KCNK9: variants seen among roughly 807,000 people sequenced by gnomAD.
KCNK9 encodes potassium two pore domain channel subfamily K member 9.
In KCNK9, 1 loss-of-function variant was observed where a neutral mutation model predicts 10.8. The observed-to-expected ratio is 0.09, with a 90% confidence interval of 0.03 to 0.44. The LOEUF (loss-of-function observed/expected upper bound fraction) is 0.44. Ranked by LOEUF, KCNK9 falls within the 20% of genes least tolerant of loss-of-function variation. The probability of loss-of-function intolerance (pLI) is 0.97; values close to 1 mark genes in which losing one functional copy is unlikely to be tolerated. For missense variants in KCNK9, 303 were observed against 515.0 expected, an observed-to-expected ratio of 0.59 and a Z score of 3.98; for synonymous variants, 231 against 222.7, an observed-to-expected ratio of 1.04 and a Z score of -0.33.
chr8:139,655,128 C>A (rs1815984458), intron 1 of KCNK9, among the ~76,000 whole-genome samples: 1 of 152,104 alleles, frequency 6.6e-6, no homozygotes, highest in Non-Finnish European at 1.5e-5. Flanking sequence ...ACTCCCCTCC[C>A]TCAGATACTG....
chr8:139,633,880 GC>G (rs1237381381), intron 1 of KCNK9, among the ~76,000 whole-genome samples: 2 of 152,236 alleles, frequency 1.3e-5, no homozygotes, highest in Non-Finnish European at 2.9e-5. Context: ...AAAGGCGGGG[GC>G]CTCTCCCTGG....
chr8:139,604,626 A>G (rs1300764172), intron 2 of KCNK9, among the ~76,000 whole-genome samples: 8 of 152,236 alleles, frequency 5.3e-5, no homozygotes, highest in Admixed American at 6.5e-5. Context: ...AAGAGGATTT[A>G]AGACCCCAAG....
chr8:139,654,355 C>T (rs1437635080), intron 1 of KCNK9, among the ~76,000 whole-genome samples: 2 of 152,196 alleles, frequency 1.3e-5, no homozygotes, highest in Non-Finnish European at 2.9e-5. Context: ...CTGAACAGGA[C>T]GCTGGCCTCG....
chr8:139,682,481 C>T lies in KCNK9; in HGVS notation c.283+20229G>A, dbSNP rs114806903. ...CACATAGGAGAGACATCTCACCTGC[C>T]TGGGAAGGCTGCACAGAGGAGACAT... On this transcript the variant is annotated intron_variant, in intron 1 of 1. Coordinates refer to ENST00000520439, the MANE Select transcript of KCNK9 (RefSeq NM_001282534.2). 6.2e-3 allele frequency among the ~76,000 whole-genome samples: 945 copies of T among 152,312 alleles called. 10 individuals carry two copies. The highest frequency in any genetic ancestry group is 0.021 in the African/African-American group (877 of 41,564).
intron 1 of KCNK9, among the ~76,000 whole-genome samples, chr8:139,689,744 G>A (rs1338297368): frequency 6.6e-6 from 1 of 150,412 alleles, no homozygotes; most frequent in Non-Finnish European, 1.5e-5. Context: ...CCAGGTTCAC[G>A]CCATTCTCCT....
In KCNK9 at chr8:139,635,063, C is replaced by CCGGGAG. The variant is rs550372649; in HGVS notation, c.284-15970_284-15965dup. 2.1e-4 allele frequency among the ~76,000 whole-genome samples: 32 copies of CCGGGAG among 152,298 alleles called. 1 individual carries two copies. The South Asian group carries it at 4.4e-3, about 21-fold the overall frequency. ...CCTGAAGGGTAAGGTGAGCAGCCAG[C>CCGGGAG]CGGGAGCAGGAGCAGGCAGTCCTGT... is the stretch of plus-strand genomic sequence containing the variant. On this transcript the variant is annotated intron_variant, in intron 1 of 1. Transcript: ENST00000520439.
At chr8:139,626,953 T>C (rs2430818) in intron 1 of KCNK9, among the ~76,000 whole-genome samples, 13,220 of 152,208 alleles carry the variant, frequency 0.087, 844 homozygotes, top group East Asian at 0.31. Flanking sequence ...CCCATGAGCT[T>C]CGGCCCCGCT....
At chr8:139,656,729 G>C (rs1816032117) in intron 1 of KCNK9, among the ~76,000 whole-genome samples, 1 of 152,180 alleles carries the variant, frequency 6.6e-6, no homozygotes, top group Admixed American at 6.5e-5. Flanking sequence ...TAGACCTGCA[G>C]TTTCTCCTAG....
chr8:139,692,803 T>A (rs979485679), intron 1 of KCNK9, among the ~76,000 whole-genome samples: 3 of 152,154 alleles, frequency 2.0e-5, no homozygotes, highest in African/African-American at 7.2e-5. Context: ...GCCCATGCCC[T>A]GGCACCCATG....
chr8:139,648,599 A>T (rs927895464), intron 1 of KCNK9, among the ~76,000 whole-genome samples: 29 of 152,222 alleles, frequency 1.9e-4, no homozygotes, highest in African/African-American at 6.8e-4. Flanking sequence ...TATTGATCAT[A>T]AAACCCAACA....
intron 1 of KCNK9, among the ~76,000 whole-genome samples, chr8:139,697,280 G>T (rs1474495214): frequency 6.6e-6 from 1 of 151,250 alleles, no homozygotes; most frequent in Admixed American, 6.6e-5. Flanking sequence ...ATAGGTAGAT[G>T]AGTGGTGGAT....
chr8:139,633,691 G>A (rs1261243540), intron 1 of KCNK9, among the ~76,000 whole-genome samples: 1 of 152,198 alleles, frequency 6.6e-6, no homozygotes, highest in Non-Finnish European at 1.5e-5. Flanking sequence ...GAGCAGAGTG[G>A]AAAAACCCAG....
At chr8:139,692,778 C>A (rs555760065) in intron 1 of KCNK9, among the ~76,000 whole-genome samples, 2 of 152,322 alleles carry the variant, frequency 1.3e-5, no homozygotes, top group African/African-American at 4.8e-5. Flanking sequence ...AGCTCCCCCC[C>A]ACGTCCAACT....
chr8:139,680,330 T>TC (rs1268582920), intron 1 of KCNK9, among the ~76,000 whole-genome samples: 1 of 151,998 alleles, frequency 6.6e-6, no homozygotes, highest in Non-Finnish European at 1.5e-5. Context: ...ACTTTCCACC[T>TC]CCCCACCCGG....
chr8:139,643,113 C>G (rs753133151), intron 1 of KCNK9, among the ~76,000 whole-genome samples: 1 of 152,176 alleles, frequency 6.6e-6, no homozygotes, highest in African/African-American at 2.4e-5. Flanking sequence ...CTGCAAAGGA[C>G]GTGGGCTTCC....
At chr8:139,696,755 A>ATGGG (rs1366138580) in intron 1 of KCNK9, among the ~76,000 whole-genome samples, 1 of 149,956 alleles carries the variant, frequency 6.7e-6, no homozygotes, top group African/African-American at 2.5e-5. Flanking sequence ...GGATGGATGG[A>ATGGG]TGGATGGATG....
rs1450171415 is a variant in KCNK9, at chr8:139,677,764, T to C, written c.283+24946A>G. ...CAGCTTCAGAGTAATACCTCACATC[T>C]GATCCCAATGTGTCCCCATGGCTGC... is the stretch of plus-strand genomic sequence containing the variant. On this transcript the variant is annotated intron_variant, in intron 1 of 1. Coordinates refer to ENST00000520439, the MANE Select transcript of KCNK9 (RefSeq NM_001282534.2). 4.4e-3 allele frequency among the ~76,000 whole-genome samples: 493 copies of C among 110,966 alleles called. 8 individuals carry two copies. Among genetic ancestry groups the C allele is most frequent in the African/African-American group, 0.018 (454 of 24,880 alleles). 72.8% of individuals were successfully genotyped at this position (110,966 alleles called of 152,430 possible). A position where few individuals can be genotyped will look rare whatever the true frequency, so the allele number is the denominator to read the frequency against.
At chr8:139,689,941 A>C (rs1216397183) in intron 1 of KCNK9, among the ~76,000 whole-genome samples, 2 of 152,068 alleles carry the variant, frequency 1.3e-5, no homozygotes. Context: ...ACGCCCGGCC[A>C]CCTTTGCCAT....
chr8:139,682,070 G>T (rs1816700594), intron 1 of KCNK9, among the ~76,000 whole-genome samples: 2 of 152,216 alleles, frequency 1.3e-5, no homozygotes, highest in South Asian at 4.1e-4. Context: ...GGAGCACGAG[G>T]GGTGCAGGGA....
Sources: gnomAD v4.1 joint callset for allele counts (sites outside exome capture counted in the v4.1 genomes callset) on GRCh38, gnomAD v4.1.1 for gene constraint, MANE v1.5 for transcripts, NCBI Gene and HGNC (gene_info 2026-07-23, HGNC 2026-07-21) for gene names.